FRMD4A: variants seen among roughly 807,000 people sequenced by gnomAD.
FRMD4A encodes FERM domain containing 4A.
FRMD4A carries 29 observed loss-of-function variants against 129.1 expected under a neutral mutation model. That is an observed-to-expected ratio of 0.22 (90% confidence interval 0.17 to 0.31). The LOEUF is 0.31. Ranked by LOEUF, FRMD4A falls within the 10% of genes least tolerant of loss-of-function variation. The probability of loss-of-function intolerance (pLI) is 1.00; values close to 1 mark genes in which losing one functional copy is unlikely to be tolerated. For missense variants in FRMD4A, 1,272 were observed against 1,375.8 expected (o/e 0.92, Z 1.19); for synonymous variants, 634 against 571.6 (o/e 1.11, Z -1.56).
At chr10:14,140,745 G>C (rs1839793767) in intron 2 of FRMD4A, among the ~76,000 whole-genome samples, 1 of 152,066 alleles carries the variant, frequency 6.6e-6, no homozygotes, top group Non-Finnish European at 1.5e-5. Flanking sequence ...GGAATGGAGA[G>C]GAATATCCTT....
At chr10:14,039,368 G>GTCCGTCCATCCATCCA (rs554051462) in intron 2 of FRMD4A, among the ~76,000 whole-genome samples, 20 of 109,512 alleles carry the variant, frequency 1.8e-4, no homozygotes, top group African/African-American at 7.6e-4. Context: ...CTGTCCGTCC[G>GTCCGTCCATCCATCCA]TCCATCCATC....
At chr10:13,688,707 CTTTTT>C (rs377624360) in intron 15 of FRMD4A, among the ~76,000 whole-genome samples, 2 of 151,872 alleles carry the variant, frequency 1.3e-5, no homozygotes, top group African/African-American at 4.8e-5. Context: ...ATATTGACTT[CTTTTT>C]TATTTATTTA....
rs1565204547 is a variant in FRMD4A, at chr10:14,039,403, C to CTATCTATCTATCTATCT, written c.46-180492_46-180491insAGATAGATAGATAGATA. The stretch of plus-strand genomic sequence containing the variant: ...CCATCCATCCATCCATCCATCCATC[C>CTATCTATCTATCTATCT]ATCCATCTATCTATCTATCTATCTA... On this transcript the variant is annotated intron_variant, in intron 2 of 24. Transcript: ENST00000357447. Among the ~76,000 whole-genome samples the CTATCTATCTATCTATCT allele has an allele frequency of 8.6e-4, 122 of 141,400 alleles. 1 individual carries two copies. Among genetic ancestry groups the CTATCTATCTATCTATCT allele is most frequent in the African/African-American group, 3.4e-3 (114 of 33,978 alleles). 92.8% of individuals were successfully genotyped at this position (141,400 alleles called of 152,430 possible). A position where few individuals can be genotyped will look rare whatever the true frequency, so the allele number is the denominator to read the frequency against.
intron 2 of FRMD4A, among the ~76,000 whole-genome samples, chr10:14,270,306 T>A (rs1426179178): frequency 3.3e-5 from 5 of 152,218 alleles, no homozygotes; most frequent in African/African-American, 1.2e-4. Flanking sequence ...TAAATAGTTA[T>A]CATGTCAGTT....
chr10:13,965,704 G>C (rs1301822872), intron 2 of FRMD4A, among the ~76,000 whole-genome samples: 1 of 152,182 alleles, frequency 6.6e-6, no homozygotes, highest in African/African-American at 2.4e-5. Flanking sequence ...CCAATGACAA[G>C]TTATGAATTG....
chr10:14,317,756 G>A (rs377438436), intron 2 of FRMD4A, among the ~76,000 whole-genome samples: 9 of 123,334 alleles, frequency 7.3e-5, no homozygotes, highest in Admixed American at 1.7e-4. Flanking sequence ...ACAAGAGACG[G>A]AAAAAAAAAA....
intron 12 of FRMD4A, among the ~76,000 whole-genome samples, chr10:13,733,978 C>T (rs1429430751): frequency 1.3e-5 from 2 of 152,206 alleles, no homozygotes; most frequent in Non-Finnish European, 2.9e-5. Flanking sequence ...CAGCTGAATG[C>T]CCAACTGCCT....
At chr10:14,105,686 C>G (rs781054119) in intron 2 of FRMD4A, among the ~76,000 whole-genome samples, 10 of 152,100 alleles carry the variant, frequency 6.6e-5, no homozygotes, top group South Asian at 2.1e-4. Context: ...AAGCAGGTTC[C>G]AGATAAGGTC....
At chr10:13,935,029 G>A (rs1181444460) in intron 2 of FRMD4A, among the ~76,000 whole-genome samples, 1 of 152,084 alleles carries the variant, frequency 6.6e-6, no homozygotes, top group African/African-American at 2.4e-5. Flanking sequence ...TTTTACAAGA[G>A]CACTCATCTC....
At chr10:14,287,549 G>A (rs985029393) in intron 2 of FRMD4A, among the ~76,000 whole-genome samples, 1 of 152,200 alleles carries the variant, frequency 6.6e-6, no homozygotes, top group African/African-American at 2.4e-5. Flanking sequence ...AGAGTAAGAT[G>A]TCAATCAGTG....
chr10:14,130,756 G>A (rs915391011), intron 2 of FRMD4A, among the ~76,000 whole-genome samples: 1 of 152,274 alleles, frequency 6.6e-6, no homozygotes, highest in African/African-American at 2.4e-5. Flanking sequence ...CCCTATCTGC[G>A]TGCCTATATC....
At chr10:13,785,739 T>C (rs1364623505) in intron 5 of FRMD4A, among the ~76,000 whole-genome samples, 1 of 152,208 alleles carries the variant, frequency 6.6e-6, no homozygotes, top group Non-Finnish European at 1.5e-5. Context: ...GTCATTTACA[T>C]TAGGTATGTC....
chr10:14,054,498 CAAAA>C (rs562528471), intron 2 of FRMD4A, among the ~76,000 whole-genome samples: 2 of 151,728 alleles, frequency 1.3e-5, no homozygotes, highest in Non-Finnish European at 2.9e-5. Flanking sequence ...AACGATACTC[CAAAA>C]AAAAATCAAA....
chr10:14,286,818 G>C (rs1386193789), intron 2 of FRMD4A, among the ~76,000 whole-genome samples: 3 of 152,006 alleles, frequency 2.0e-5, no homozygotes, highest in Admixed American at 2.0e-4. Flanking sequence ...ATGACACCAA[G>C]GGAGGGGATG....
intron 2 of FRMD4A, among the ~76,000 whole-genome samples, chr10:13,969,506 C>T (rs1207182854): frequency 1.3e-5 from 2 of 152,144 alleles, no homozygotes; most frequent in Non-Finnish European, 2.9e-5. Flanking sequence ...AATGGAAATC[C>T]TAAAAAATGG....
chr10:14,120,902 G>A (rs972962630), intron 2 of FRMD4A, among the ~76,000 whole-genome samples: 1 of 152,184 alleles, frequency 6.6e-6, no homozygotes. Context: ...TGGGCATCTT[G>A]GCTGGCTGTC....
At chr10:13,806,147 AT>A (rs938587719) in intron 4 of FRMD4A, among the ~76,000 whole-genome samples, 139 of 151,524 alleles carry the variant, frequency 9.2e-4, no homozygotes, top group African/African-American at 3.2e-3. Flanking sequence ...GTGAGCCACA[AT>A]TTTTTTTTTT....
At chr10:14,015,864 C>G (rs568473042) in intron 2 of FRMD4A, among the ~76,000 whole-genome samples, 64 of 152,250 alleles carry the variant, frequency 4.2e-4, no homozygotes, top group Middle Eastern at 3.4e-3. Context: ...AATAGGTACT[C>G]TTATTTTCCC....
At chr10:13,669,057 GTTTTTTTTTTTT>G (rs56706198) in intron 17 of FRMD4A, among the ~76,000 whole-genome samples, 2 of 97,458 alleles carry the variant, frequency 2.1e-5, no homozygotes, top group Non-Finnish European at 4.0e-5. Context: ...CTGAGCTTTA[GTTTTTTTTTTTT>G]TTTTTTTTTT....
Sources: gnomAD v4.1 joint callset for allele counts (sites outside exome capture counted in the v4.1 genomes callset) on GRCh38, gnomAD v4.1.1 for gene constraint, MANE v1.5 for transcripts, NCBI Gene and HGNC (gene_info 2026-07-23, HGNC 2026-07-21) for gene names.